The following YARS1 variants were observed in gnomAD, a reference collection of about 807,000 sequenced individuals.
YARS1 encodes the protein tyrosine--tRNA ligase, cytoplasmic.
A neutral mutation model predicts 62.2 loss-of-function variants in YARS1; 36 were observed. The ratio of observed to expected loss-of-function variants is 0.58; its 90% CI spans 0.44 to 0.76. The LOEUF is 0.76. YARS1 is among the 30% of genes least tolerant of loss of function. YARS1 has a pLI of 0.00. For missense variants in YARS1, 524 were observed against 639.8 expected (o/e 0.82, Z 1.95); for synonymous variants, 234 against 244.9 (o/e 0.96, Z 0.42).
chr1:32,801,775 T>C (rs1400680337), intron 4 of YARS1, among the ~76,000 whole-genome samples: 1 of 152,146 alleles, frequency 6.6e-6, no homozygotes, highest in Non-Finnish European at 1.5e-5. Flanking sequence ...TTGTTGCCAT[T>C]TCAACAACGT....
chr1:32,782,648 CCTTGTGATAAT>C (rs1393069709), intron 8 of YARS1, 109 bp from the exon 9 acceptor site: 1 of 1,460,932 alleles, frequency 6.8e-7, no homozygotes. Context: ...CTTATTTGAT[CCTTGTGATAAT>C]CTTGTGAGGC....
intron 5 of YARS1, among the ~76,000 whole-genome samples, 161 bp from the exon 6 acceptor site, chr1:32,791,415 GT>G (rs2148606584): frequency 6.6e-6 from 1 of 152,252 alleles, no homozygotes; most frequent in African/African-American, 2.4e-5. Context: ...TTCAAGCGAA[GT>G]TTTTTTCCCT....
At chr1:32,804,633 C>T (rs185412558) in intron 4 of YARS1, among the ~76,000 whole-genome samples, 2 of 150,550 alleles carry the variant, frequency 1.3e-5, no homozygotes, top group African/African-American at 4.9e-5. Context: ...ACATCCCAGA[C>T]GGGGCGGCGG....
At chr1:32,795,002 CA>C (rs71278770) in intron 5 of YARS1, among the ~76,000 whole-genome samples, 833 of 22,868 alleles carry the variant, frequency 0.036, 2 homozygotes, top group African/African-American at 0.14. Flanking sequence ...GACTCTGTCT[CA>C]AAAAAAAAAA....
chr1:32,804,459 G>A (rs1486650632), intron 4 of YARS1, among the ~76,000 whole-genome samples: 1 of 150,880 alleles, frequency 6.6e-6, no homozygotes, highest in Admixed American at 6.6e-5. Flanking sequence ...GGGCGGAGAC[G>A]CTCCTCACTT....
chr1:32,805,035 A>G (rs1412975682), intron 4 of YARS1, among the ~76,000 whole-genome samples: 2 of 152,250 alleles, frequency 1.3e-5, no homozygotes, highest in Non-Finnish European at 1.5e-5. Context: ...GCTGGAGACC[A>G]GCCCGGCCAA....
intron 7 of YARS1, 63 bp downstream of exon 7, chr1:32,786,877 A>G: frequency 3.7e-6 from 6 of 1,607,756 alleles, no homozygotes; most frequent in Non-Finnish European, 5.1e-6. Context: ...AATCACAAGT[A>G]TGATCACAGC....
At chr1:32,786,595 G>A in intron 7 of YARS1, 148 bp from the exon 8 acceptor site, 1 of 842,536 alleles carries the variant, frequency 1.2e-6, no homozygotes, top group East Asian at 2.7e-5. Context: ...TAAATTGGAT[G>A]AGTGGCACTA....
intron 4 of YARS1, among the ~76,000 whole-genome samples, chr1:32,802,978 A>C (rs1225173960): frequency 2.2e-5 from 2 of 89,412 alleles, no homozygotes; most frequent in Admixed American, 1.1e-4. Context: ...ACGCCTGGCT[A>C]TTTTTTTTTT....
At chr1:32,792,003 A>G (rs907737977) in intron 5 of YARS1, among the ~76,000 whole-genome samples, 1 of 152,104 alleles carries the variant, frequency 6.6e-6, no homozygotes, top group African/African-American at 2.4e-5. Context: ...ATTGGAGTTC[A>G]GGGCTGGAGG....
rs760547119 is a variant in YARS1, at chr1:32,806,622, A to T, written c.381-11T>A. Reference sequence around the variant, plus strand: ...TCTAGTGTGTACTCTCTGAAGAGGAAAGGAAGAGGGGACAGCTGTAAACCT... The same window carrying T: ...TCTAGTGTGTACTCTCTGAAGAGGATAGGAAGAGGGGACAGCTGTAAACCT... On this transcript the variant is annotated splice_polypyrimidine_tract_variant and intron_variant, in intron 3 of 12. Coordinates refer to ENST00000373477, the MANE Select transcript of YARS1 (RefSeq NM_003680.4). 9 of 1,614,126 alleles carry T rather than the reference A, an allele frequency of 5.6e-6. No homozygotes were observed. The Admixed American group carries it at 1.5e-4, about 27-fold the overall frequency.
At chr1:32,778,736 C>CCT (rs1557444534) in intron 12 of YARS1, among the ~76,000 whole-genome samples, 4 of 120,064 alleles carry the variant, frequency 3.3e-5, no homozygotes, top group Non-Finnish European at 3.5e-5. Context: ...CTTTTCTTTT[C>CCT]TTTTTTTTTT....
At chr1:32,795,165 A>G (rs1056060983) in intron 5 of YARS1, among the ~76,000 whole-genome samples, 7 of 151,060 alleles carry the variant, frequency 4.6e-5, no homozygotes, top group African/African-American at 7.3e-5. Context: ...TAAAAATACA[A>G]AAAATTAGCA....
chr1:32,786,651 G>T, intron 7 of YARS1: 1 of 707,356 alleles, frequency 1.4e-6, no homozygotes, highest in Non-Finnish European at 2.4e-6. Context: ...GAAGGCTTGT[G>T]GCTTATATCT....
rs139016314 is a variant in YARS1 at position 32,812,084 on chromosome 1, C to G, written c.58-1027G>C. On this transcript the variant is annotated intron_variant, in intron 1 of 12. Coordinates refer to ENST00000373477, the MANE Select transcript of YARS1 (RefSeq NM_003680.4). ...CTGCCCTGGCAGGAGTCCGGTTGTG[C>G]AAACACAGCTCACTGCAGCCTTGAC... 5.9e-5 allele frequency among the ~76,000 whole-genome samples: 9 copies of G among 152,260 alleles called. No individual in the cohort carries two copies. The East Asian group carries it at 1.7e-3, about 29-fold the overall frequency.
intron 3 of YARS1, among the ~76,000 whole-genome samples, chr1:32,810,216 C>T (rs1481749840): frequency 3.3e-5 from 5 of 151,760 alleles, no homozygotes; most frequent in Non-Finnish European, 7.4e-5. Flanking sequence ...ATTGTTGGGG[C>T]GGTGAGAAAT....
chr1:32,797,963 C>T, intron 4 of YARS1, 120 bp from the exon 5 acceptor site: 1 of 811,196 alleles, frequency 1.2e-6, no homozygotes, highest in Admixed American at 2.0e-5. Flanking sequence ...CTCTGCCTCT[C>T]AGGTTCAAGT....
chr1:32,812,921 T>C (rs963798278), intron 1 of YARS1, among the ~76,000 whole-genome samples: 60 of 149,870 alleles, frequency 4.0e-4, no homozygotes, highest in African/African-American at 1.4e-3. Flanking sequence ...TGAGCCAATA[T>C]TGCACCATTG....
chr1:32,800,819 C>T (rs1200880256), intron 4 of YARS1, among the ~76,000 whole-genome samples: 1 of 152,022 alleles, frequency 6.6e-6, no homozygotes, highest in African/African-American at 2.4e-5. Flanking sequence ...GTGATCTGCC[C>T]GTTTTGGCCT....
Sources: allele counts gnomAD v4.1 joint callset (sites outside exome capture counted in the v4.1 genomes callset), GRCh38; gene constraint gnomAD v4.1.1; transcripts MANE v1.5; gene names NCBI Gene and HGNC (gene_info 2026-07-23, HGNC 2026-07-21).